The following KCNMA1 variants were observed in gnomAD, a reference collection of about 807,000 sequenced individuals.
KCNMA1 encodes the protein Calcium-activated potassium channel subunit alpha-1.
Under a neutral mutation model 140.0 loss-of-function variants are expected in KCNMA1, and 29 were observed. The ratio of observed to expected loss-of-function variants is 0.21; its 90% confidence interval spans 0.15 to 0.28. The LOEUF is 0.28. KCNMA1 is among the 10% of genes least tolerant of loss of function. The pLI is 1.00. For missense variants in KCNMA1, 880 were observed against 1,602.2 expected (o/e 0.55, Z 7.70); for synonymous variants, 612 against 611.9 (o/e 1.00, Z 0.00).
At position 77,195,032 on chromosome 10, in the gene KCNMA1, T is replaced by TTTG. The variant is rs374704938; in HGVS notation, c.603-10119_603-10117dup. On this transcript the variant is annotated intron_variant, in intron 3 of 27. Coordinates refer to ENST00000286628, the MANE Select transcript of KCNMA1 (RefSeq NM_001161352.2). ...ATATCTATTTCTAACATCTTGAAGT[T>TTTG]TTGTTGTTGTTGTTGTTGTTATTGT... 8.7e-3 allele frequency among the ~76,000 whole-genome samples: 1,319 copies of TTTG among 152,100 alleles called. 22 individuals carry two copies. Among genetic ancestry groups the TTTG allele is most frequent in the African/African-American group, 0.03 (1,254 of 41,470 alleles).
At chr10:76,877,602 ATCTG>A (rs1254746925), downstream of KCNMA1, 13 of 724,962 alleles carry the variant, frequency 1.8e-5, no homozygotes, top group East Asian at 2.0e-4. Flanking sequence ...AAAGAGAAAG[ATCTG>A]TCTACTTTAT....
rs1158605253 is a variant in KCNMA1, at chr10:77,058,889, GAAAC to G, written c.1749+14204_1749+14207del. Among the ~76,000 whole-genome samples the G allele has an allele frequency of 4.0e-5, 6 of 151,460 alleles. No homozygotes were observed. In the East Asian group the frequency reaches 1.2e-3, roughly 29 times the overall value. ...AAGTAAATCTAAAGCAAGCAGAAAG[GAAAC>G]AAACAAACAAAAAATACAGGAAATA... is the stretch of plus-strand genomic sequence containing the variant. On this transcript the variant is annotated intron_variant, in intron 14 of 27. Transcript: ENST00000286628.
chr10:77,541,735 G>A (rs182798032), intron 1 of KCNMA1, among the ~76,000 whole-genome samples: 14 of 152,286 alleles, frequency 9.2e-5, no homozygotes, highest in African/African-American at 2.6e-4. Context: ...TTGGAAGCAC[G>A]CTAGATAGAA....
intron 1 of KCNMA1, among the ~76,000 whole-genome samples, chr10:77,409,257 C>G (rs1244349924): frequency 6.6e-6 from 1 of 152,198 alleles, no homozygotes; most frequent in Non-Finnish European, 1.5e-5. Context: ...CGCTGAATCA[C>G]AAGATCAAAG....
intron 16 of KCNMA1, among the ~76,000 whole-genome samples, chr10:77,023,956 C>A (rs576845053): frequency 2.1e-4 from 32 of 152,284 alleles, no homozygotes; most frequent in African/African-American, 7.5e-4. Flanking sequence ...TGTGGTCCAC[C>A]AGAGATACTG....
At chr10:77,450,743 C>T (rs2097633082) in intron 1 of KCNMA1, among the ~76,000 whole-genome samples, 1 of 152,130 alleles carries the variant, frequency 6.6e-6, no homozygotes, top group Non-Finnish European at 1.5e-5. Flanking sequence ...ATAGAAGGGC[C>T]CCATGAGACT....
At chr10:77,485,806 T>C (rs1043775196) in intron 1 of KCNMA1, among the ~76,000 whole-genome samples, 2 of 152,182 alleles carry the variant, frequency 1.3e-5, no homozygotes, top group African/African-American at 4.8e-5. Context: ...GGGACCACAC[T>C]GTGTCCCCCA....
chr10:77,047,588 CT>C (rs11304136), intron 14 of KCNMA1, among the ~76,000 whole-genome samples: 18,723 of 137,312 alleles, frequency 0.14, 2,186 homozygotes, highest in East Asian at 0.53. Context: ...GGAAACTGGT[CT>C]TTTTTTTTTT....
At chr10:76,923,368 G>A (rs2056580394) in intron 23 of KCNMA1, among the ~76,000 whole-genome samples, 1 of 151,356 alleles carries the variant, frequency 6.6e-6, no homozygotes, top group Admixed American at 6.6e-5. Flanking sequence ...GGCAGAGCTT[G>A]CAGTGAGCTG....
chr10:77,477,689 G>A (rs141916092), intron 1 of KCNMA1, among the ~76,000 whole-genome samples: 2 of 152,310 alleles, frequency 1.3e-5, no homozygotes, highest in South Asian at 2.1e-4. Context: ...CACACTCCTT[G>A]TTGCACACCT....
Position 77,368,748 on chromosome 10 carries a change from C to T in KCNMA1, c.540+35114G>A, listed in dbSNP as rs1603430706. Among the ~76,000 whole-genome samples, 3 of 152,124 alleles carry T rather than the reference C, an allele frequency of 2.0e-5. No homozygotes were observed. In the East Asian group the frequency reaches 5.8e-4, roughly 29 times the overall value. ...TTGAGCTTTTTGTTTTGTTTTGTTT[C>T]ATTTGCCCTTGGATGTCCAATTGTT... On this transcript the variant is annotated intron_variant, in intron 2 of 27. Coordinates refer to ENST00000286628, the MANE Select transcript of KCNMA1 (RefSeq NM_001161352.2).
rs926591329 is a variant in KCNMA1, at chr10:77,506,848, T to A, written c.379-102825A>T. Among the ~76,000 whole-genome samples, 450 of 141,688 alleles carry A rather than the reference T, an allele frequency of 3.2e-3. 3 individuals carry two copies. The highest frequency in any genetic ancestry group is 0.012 in the Middle Eastern group (3 of 244). The allele number at this position is 141,688 out of a possible 152,430, so 93.0% of individuals were successfully genotyped here. A position where few individuals can be genotyped will look rare whatever the true frequency, so the allele number is the denominator to read the frequency against. On this transcript the variant is annotated intron_variant, in intron 1 of 27. Coordinates refer to ENST00000286628, the MANE Select transcript of KCNMA1 (RefSeq NM_001161352.2). ...AAGAGAGAGAGAGAGAGAGTGTGTGTGTGTGTGTGTGTGTGTGTGTGTGTT... is the reference window on the plus strand; with the variant it reads ...AAGAGAGAGAGAGAGAGAGTGTGTGAGTGTGTGTGTGTGTGTGTGTGTGTT...
intron 1 of KCNMA1, among the ~76,000 whole-genome samples, chr10:77,488,639 G>A (rs758198352): frequency 3.4e-4 from 51 of 152,184 alleles, no homozygotes; most frequent in Non-Finnish European, 7.1e-4. Context: ...CCTGTATTAG[G>A]AACAACCGCC....
intron 1 of KCNMA1, among the ~76,000 whole-genome samples, chr10:77,505,477 T>A (rs1448027186): frequency 3.9e-5 from 6 of 152,184 alleles, no homozygotes; most frequent in African/African-American, 1.4e-4. Context: ...AGAGAGGAAA[T>A]GGGGTAGAAG....
At chr10:77,565,994 G>A (rs551996230) in intron 1 of KCNMA1, among the ~76,000 whole-genome samples, 5 of 145,060 alleles carry the variant, frequency 3.4e-5, no homozygotes, top group African/African-American at 9.8e-5. Flanking sequence ...GTGCCTCCAC[G>A]GAATATTCTC....
intron 14 of KCNMA1, among the ~76,000 whole-genome samples, chr10:77,043,751 C>T (rs1025300317): frequency 6.6e-6 from 1 of 152,124 alleles, no homozygotes; most frequent in Non-Finnish European, 1.5e-5. Context: ...AAAAGGACAA[C>T]CGTGTTATGA....
intron 3 of KCNMA1, among the ~76,000 whole-genome samples, chr10:77,217,806 TTCTCAGCC>T (rs2048299489): frequency 6.6e-6 from 1 of 152,208 alleles, no homozygotes; most frequent in Non-Finnish European, 1.5e-5. Context: ...GAATAGTTGA[TTCTCAGCC>T]TCTCTTTTGA....
chr10:77,165,183 A>T (rs184035659), intron 5 of KCNMA1, among the ~76,000 whole-genome samples: 1 of 152,284 alleles, frequency 6.6e-6, no homozygotes, highest in Non-Finnish European at 1.5e-5. Context: ...GACCTTTGGG[A>T]CCCACCCAAC....
intron 3 of KCNMA1, among the ~76,000 whole-genome samples, chr10:77,219,333 T>C (rs1052975014): frequency 2.6e-5 from 4 of 152,172 alleles, no homozygotes; most frequent in Non-Finnish European, 5.9e-5. Context: ...CCAGTGGAGC[T>C]GACAACAAAA....
Sources: gnomAD v4.1 joint callset for allele counts (sites outside exome capture counted in the v4.1 genomes callset) on GRCh38, gnomAD v4.1.1 for gene constraint, MANE v1.5 for transcripts, NCBI Gene and HGNC (gene_info 2026-07-23, HGNC 2026-07-21) for gene names.